Variants in SLC12A8 observed in about 807,000 individuals in gnomAD.
The protein encoded by SLC12A8 is cation-chloride cotransporter 9.
A neutral mutation model predicts 75.6 loss-of-function variants in SLC12A8; 69 were observed. That is an observed-to-expected ratio of 0.91 (90% confidence interval 0.75 to 1.11). The LOEUF (loss-of-function observed/expected upper bound fraction) is 1.11. SLC12A8 is among the 50% of genes most tolerant of loss of function. The pLI is 0.00. For synonymous variants in SLC12A8, 365 were observed against 372.8 expected (o/e 0.98, Z 0.24); for missense variants, 877 against 896.7 (o/e 0.98, Z 0.28).
At chr3:125,120,547 G>T in intron 7 of SLC12A8, 52 bp downstream of exon 7, 1 of 1,334,080 alleles carries the variant, frequency 7.5e-7, no homozygotes, top group Non-Finnish European at 1.1e-6. Flanking sequence ...TTCTGCCTGG[G>T]GTTTTCTCTC....
chr3:125,182,808 G>A (rs1201260333), intron 4 of SLC12A8, among the ~76,000 whole-genome samples: 1 of 151,652 alleles, frequency 6.6e-6, no homozygotes, highest in Non-Finnish European at 1.5e-5. Context: ...GCCTGGCCTT[G>A]GCCTTGTCCC....
chr3:125,109,359 C>G (rs1254156793), intron 9 of SLC12A8, among the ~76,000 whole-genome samples: 1 of 152,222 alleles, frequency 6.6e-6, no homozygotes, highest in Non-Finnish European at 1.5e-5. Context: ...TATCCAACTG[C>G]CTACTCAACA....
Position 125,091,566 on chromosome 3 carries a change from C to G in SLC12A8, c.1804-10G>C, listed in dbSNP as rs779808738. 1.9e-6 allele frequency: 3 copies of G among 1,591,806 alleles called. No individual in the cohort carries two copies. The African/African-American group carries it at 4.0e-5, about 21-fold the overall frequency. On this transcript the variant is annotated splice_polypyrimidine_tract_variant and intron_variant, in intron 11 of 13. Coordinates refer to ENST00000469902, the MANE Select transcript of SLC12A8 (RefSeq NM_024628.6). Reference sequence around the variant, plus strand: ...GAAGGGACCCAACAGCCTGTGAAAACAGAGTAGGAAGAGCAAATCACCTAA... The same window carrying G: ...GAAGGGACCCAACAGCCTGTGAAAAGAGAGTAGGAAGAGCAAATCACCTAA...
intron 5 of SLC12A8, among the ~76,000 whole-genome samples, chr3:125,141,965 G>A (rs936046320): frequency 9.9e-5 from 15 of 152,184 alleles, no homozygotes; most frequent in African/African-American, 3.4e-4. Flanking sequence ...GACGCCCGAA[G>A]GGCGTCGGGG....
intron 8 of SLC12A8, among the ~76,000 whole-genome samples, chr3:125,116,154 G>A (rs1374180554): frequency 6.6e-6 from 1 of 152,200 alleles, no homozygotes; most frequent in African/African-American, 2.4e-5. Context: ...CTCCTGTGTG[G>A]TCCCCTTTAG....
intron 5 of SLC12A8, among the ~76,000 whole-genome samples, chr3:125,155,621 A>ATTAGACGGGTGTG (rs578023995): frequency 8.3e-6 from 1 of 120,710 alleles, no homozygotes; most frequent in East Asian, 2.5e-4. Context: ...AATACAAAAA[A>ATTAGACGGGTGTG]GTAGCTGTAG....
chr3:125,140,504 G>A (rs922385298), intron 5 of SLC12A8, among the ~76,000 whole-genome samples: 2 of 151,912 alleles, frequency 1.3e-5, no homozygotes, highest in Admixed American at 1.3e-4. Flanking sequence ...CATCTCCCCC[G>A]GCCCCATTTG....
chr3:125,168,275 A>T (rs932527479), intron 5 of SLC12A8, among the ~76,000 whole-genome samples: 2 of 152,202 alleles, frequency 1.3e-5, no homozygotes, highest in Non-Finnish European at 2.9e-5. Flanking sequence ...CATTCAGATG[A>T]TAAGCTGATT....
chr3:125,164,173 T>C (rs571885805), intron 5 of SLC12A8, among the ~76,000 whole-genome samples: 5 of 152,198 alleles, frequency 3.3e-5, no homozygotes, highest in African/African-American at 9.6e-5. Context: ...AAGGAAGCAG[T>C]AAGGAGTTCA....
Position 125,108,131 on chromosome 3 carries a change from A to G in SLC12A8, c.1060-5T>C, listed in dbSNP as rs912227859. 3 of 1,607,648 alleles carry G rather than the reference A, an allele frequency of 1.9e-6. No homozygotes were observed. The African/African-American group carries it at 4.0e-5, about 22-fold the overall frequency. ...GGGTGTTTTGTTTGGCCCCTTCTGC[A>G]GGAACAAAAATAACATGCAGGACCA... On this transcript the variant is annotated splice_polypyrimidine_tract_variant and splice_region_variant and intron_variant, in intron 9 of 13. Transcript: ENST00000469902.
chr3:125,083,869 A>C lies in SLC12A8; in HGVS notation c.*21T>G. ...ACTGTACATGGGACAGCTCCAAAAG[A>C]GGAAGGTCCCAGCACTGCATCTAGT... On this transcript the variant is annotated 3_prime_UTR_variant, in exon 14 of 14. Transcript: ENST00000469902. 6.2e-7 allele frequency: 1 copy of C among 1,605,692 alleles called. No homozygotes were observed. The highest frequency in any genetic ancestry group is 8.5e-7 in the Non-Finnish European group (1 of 1,176,214).
At chr3:125,086,038 G>A (rs1449279993) in intron 13 of SLC12A8, among the ~76,000 whole-genome samples, 1 of 151,902 alleles carries the variant, frequency 6.6e-6, no homozygotes, top group Non-Finnish European at 1.5e-5. Context: ...CTCAGTACCT[G>A]GGACTATAGG....
chr3:125,110,259 CCATAAA>C lies in SLC12A8; in HGVS notation c.983_988del (p.Leu328_Gly330delinsArg). ...AATGCACTGCAGGATGCGGGGAGCT[CCATAAA>C]GTCCTCCCATGCAGGAAGCCAGGGA... On this transcript the variant is annotated inframe_deletion, in exon 9 of 14. Transcript: ENST00000469902. 6.2e-7 allele frequency: 1 copy of C among 1,614,032 alleles called. No individual in the cohort carries two copies. The highest frequency in any genetic ancestry group is 8.5e-7 in the Non-Finnish European group (1 of 1,179,938).
rs1373845026 is a variant in SLC12A8, at chr3:125,092,110, G to A, written c.1794C>T (p.Ser598=). The A allele has an allele frequency of 6.2e-6, 10 of 1,609,776 alleles. No individual in the cohort carries two copies. In the East Asian group the frequency reaches 2.0e-4, roughly 32 times the overall value. The change falls in exon 11 of 14, where the codon TCC becomes TCT. Residue 598 remains serine (S), a synonymous_variant. Transcript: ENST00000469902. The part of the protein sequence containing the change: ...FYTHMCNPWV[S]LLGAVGSLLI... Reference sequence around the variant, plus strand: ...AGATGAAGTTACTCACCCCCAACAGGGAGACCCAGGGGTTGCACATGTGGG... The same window carrying A: ...AGATGAAGTTACTCACCCCCAACAGAGAGACCCAGGGGTTGCACATGTGGG...
At chr3:125,153,811 T>C (rs1933987920) in intron 5 of SLC12A8, among the ~76,000 whole-genome samples, 2 of 152,056 alleles carry the variant, frequency 1.3e-5, no homozygotes, top group South Asian at 2.1e-4. Context: ...GACGAGACAA[T>C]GTGGGGCGGA....
chr3:125,092,774 T>C (rs1000827816), intron 10 of SLC12A8, among the ~76,000 whole-genome samples: 1 of 152,238 alleles, frequency 6.6e-6, no homozygotes, highest in African/African-American at 2.4e-5. Flanking sequence ...TGCATGATCC[T>C]GCCTCATCCT....
chr3:125,203,571 C>G (rs1162825041), intron 2 of SLC12A8, among the ~76,000 whole-genome samples: 1 of 152,188 alleles, frequency 6.6e-6, no homozygotes, highest in Non-Finnish European at 1.5e-5. Context: ...CATCTCTCAA[C>G]CTATACAAAA....
chr3:125,085,684 C>A (rs1390248213), intron 13 of SLC12A8, among the ~76,000 whole-genome samples: 1 of 152,172 alleles, frequency 6.6e-6, no homozygotes, highest in Non-Finnish European at 1.5e-5. Context: ...TCAAGCAATT[C>A]TCATGCCTCA....
At chr3:125,118,150 C>T (rs1349314402) in intron 8 of SLC12A8, among the ~76,000 whole-genome samples, 1 of 152,238 alleles carries the variant, frequency 6.6e-6, no homozygotes, top group Non-Finnish European at 1.5e-5. Flanking sequence ...TTGGGGTGAG[C>T]AGATTCTTCT....
Sources: allele counts gnomAD v4.1 joint callset (sites outside exome capture counted in the v4.1 genomes callset), GRCh38; gene constraint gnomAD v4.1.1; transcripts MANE v1.5; gene names NCBI Gene and HGNC (gene_info 2026-07-23, HGNC 2026-07-21).